Variants in ANGPT4 observed in about 807,000 individuals in gnomAD.
The protein encoded by ANGPT4 is angiopoietin 4.
In ANGPT4, 50 loss-of-function variants were observed where a neutral mutation model predicts 53.0. The observed-to-expected ratio is 0.94, with a 90% CI of 0.75 to 1.20. The LOEUF (loss-of-function observed/expected upper bound fraction) is 1.20, where lower values mean the gene tolerates loss of function less well. ANGPT4 is among the 50% of genes most tolerant of loss of function. The probability of loss-of-function intolerance (pLI) is 0.00; values close to 1 mark genes in which losing one functional copy is unlikely to be tolerated. For synonymous variants in ANGPT4, 251 were observed against 259.7 expected, an observed-to-expected ratio of 0.97 and a Z score of 0.32; for missense variants, 648 against 637.1, an observed-to-expected ratio of 1.02 and a Z score of -0.18.
At chr20:874,530 C>G in intron 7 of ANGPT4, 116 bp from the exon 8 acceptor site, 2 of 1,408,712 alleles carry the variant, frequency 1.4e-6, no homozygotes, top group Admixed American at 2.1e-5. Context: ...TCCAGGTGTT[C>G]TTGGAGGGAC....
chr20:872,435 T>A lies in ANGPT4; in HGVS notation c.*525A>T, dbSNP rs28516449. On this transcript the variant is annotated 3_prime_UTR_variant, in exon 9 of 9. Transcript: ENST00000381922. The stretch of plus-strand genomic sequence containing the variant: ...GTGGTGAAGTGTGAAGGGGAAATAA[T>A]GATTAACCCACCCACTAAGGGGTGG... 0.081 allele frequency: 12,495 copies of A among 153,722 alleles called. 707 individuals carry two copies. Among genetic ancestry groups the A allele is most frequent in the Admixed American group, 0.16 (2,533 of 15,588 alleles). The allele number at this position is 153,722 out of a possible 1,614,324, so 9.5% of individuals were successfully genotyped here.
intron 1 of ANGPT4, among the ~76,000 whole-genome samples, chr20:903,730 G>A (rs963973919): frequency 1.3e-5 from 2 of 152,210 alleles, no homozygotes; most frequent in Non-Finnish European, 2.9e-5. Flanking sequence ...CCTGTTCTAG[G>A]TCCTAGGCTG....
Position 890,252 on chromosome 20 carries a change from G to A in ANGPT4, c.426C>T (p.Thr142=). 6.2e-7 allele frequency: 1 copy of A among 1,614,000 alleles called. No individual in the cohort carries two copies. Among genetic ancestry groups the A allele is most frequent in the Non-Finnish European group, 8.5e-7 (1 of 1,179,982 alleles). Residue 142 remains threonine (T), a synonymous_variant, in exon 2 of 9, where the codon ACC becomes ACT. Coordinates refer to ENST00000381922, the MANE Select transcript of ANGPT4 (RefSeq NM_015985.4). The stretch of plus-strand genomic sequence containing the variant: ...CGGTCAGCTTGCGGATCTGGGCAGT[G>A]GTCTGGTTCAGGAGGCTGGTGCCCA... ...LELGTSLLNQ[T]TAQIRKLTDM... is the part of the protein sequence containing the mutation.
intron 1 of ANGPT4, among the ~76,000 whole-genome samples, chr20:912,667 C>T (rs186700781): frequency 6.6e-6 from 1 of 151,792 alleles, no homozygotes; most frequent in Admixed American, 6.6e-5. Context: ...AAGGGGAGTG[C>T]AGGGGAGGAG....
chr20:904,569 T>C (rs1982406654), intron 1 of ANGPT4, among the ~76,000 whole-genome samples: 2 of 152,264 alleles, frequency 1.3e-5, no homozygotes, highest in South Asian at 4.1e-4. Context: ...CAAGTCTATG[T>C]GGGGAATAAA....
chr20:899,170 C>T (rs1982176244), intron 1 of ANGPT4, among the ~76,000 whole-genome samples: 1 of 152,200 alleles, frequency 6.6e-6, no homozygotes, highest in South Asian at 2.1e-4. Context: ...GTTTCCCTTG[C>T]CTCCATAACT....
At chr20:885,707 A>C (rs12625348) in intron 3 of ANGPT4, among the ~76,000 whole-genome samples, 28,542 of 151,960 alleles carry the variant, frequency 0.19, 3,001 homozygotes, top group East Asian at 0.45. Flanking sequence ...CAACCAAAAA[A>C]GATATAGCCT....
Position 888,320 on chromosome 20 carries a change from GT to G in ANGPT4, c.584del (p.Asn195ThrfsTer30). ...CTGGTGCCAGGTGCCACACCCACCTGTTTTGGCCCTGAAGCTGCTGGAGCTT... is the reference window on the plus strand; with the variant it reads ...CTGGTGCCAGGTGCCACACCCACCTGTTTGGCCCTGAAGCTGCTGGAGCTT... ...RQKLQQLQGQ[N>X]SALEKRLQAL... is the part of the protein sequence containing the mutation. On this transcript the variant is annotated frameshift_variant, in exon 3 of 9. Coordinates refer to ENST00000381922, the MANE Select transcript of ANGPT4 (RefSeq NM_015985.4). LOFTEE classifies it high-confidence loss of function. 6.2e-7 allele frequency: 1 copy of G among 1,612,960 alleles called. No individual in the cohort carries two copies.
At chr20:901,678 C>G (rs1329424578) in intron 1 of ANGPT4, among the ~76,000 whole-genome samples, 1 of 152,140 alleles carries the variant, frequency 6.6e-6, no homozygotes, top group African/African-American at 2.4e-5. Flanking sequence ...TTTGGGAGGC[C>G]AAGGTGGGTG....
intron 8 of ANGPT4, among the ~76,000 whole-genome samples, chr20:873,787 T>C (rs1981046681): frequency 6.6e-6 from 1 of 152,170 alleles, no homozygotes; most frequent in African/African-American, 2.4e-5. Flanking sequence ...TTTCTCCATC[T>C]GTCCTCTGTG....
At chr20:874,511 G>C (rs1981084499) in intron 7 of ANGPT4, 97 bp from the exon 8 acceptor site, 11 of 1,523,392 alleles carry the variant, frequency 7.2e-6, no homozygotes, top group Non-Finnish European at 8.9e-6. Context: ...TCCCAGGCTG[G>C]GCTTCCCCTC....
In ANGPT4 at chr20:881,233, A is replaced by C. The variant is rs760785353; in HGVS notation, c.889T>G (p.Ser297Ala). The change falls in exon 5 of 9, where the codon TCT becomes GCT. Residue 297 changes from serine to alanine, a missense_variant. By Grantham distance (99) the Ser-to-Ala change is moderately conservative. Transcript: ENST00000381922. The part of the protein sequence containing the change: ...VFQDCAEIQR[S>A]GASASGVYTI... ...TAGACACCACTGGCACTGGCCCCAG[A>C]GCGCTGGATCTCTGCACAGTCCTGG... 6.2e-7 allele frequency: 1 copy of C among 1,613,720 alleles called. No homozygotes were observed. Among genetic ancestry groups the C allele is most frequent in the Non-Finnish European group, 8.5e-7 (1 of 1,179,814 alleles).
In ANGPT4 at chr20:884,958, C is replaced by T. The variant is rs545087973; in HGVS notation, c.835+120G>A. On this transcript the variant is annotated intron_variant, in intron 4 of 8. Transcript: ENST00000381922. The stretch of plus-strand genomic sequence containing the variant: ...TTGTTGTTTCTATTTCACAGATGGT[C>T]GGGGAGGGTGGGGCCCGCAATGGCT... The T allele has an allele frequency of 1.1e-4, 144 of 1,370,054 alleles. 2 individuals are homozygous for T. In the South Asian group the frequency reaches 1.6e-3, roughly 16 times the overall value. 84.9% of individuals were successfully genotyped at this position (1,370,054 alleles called of 1,614,324 possible).
At chr20:886,300 C>G (rs6118088) in intron 3 of ANGPT4, among the ~76,000 whole-genome samples, 1 of 152,064 alleles carries the variant, frequency 6.6e-6, no homozygotes, top group African/African-American at 2.4e-5. Flanking sequence ...ACCTCAATAT[C>G]CATTAACTGG....
chr20:875,761 G>A (rs891713306), intron 7 of ANGPT4, among the ~76,000 whole-genome samples: 1 of 152,148 alleles, frequency 6.6e-6, no homozygotes, highest in African/African-American at 2.4e-5. Context: ...AGAGAATGCG[G>A]GGTGTTTGTA....
chr20:909,427 G>A (rs73892539), intron 1 of ANGPT4, among the ~76,000 whole-genome samples: 2,557 of 152,268 alleles, frequency 0.017, 56 homozygotes, highest in African/African-American at 0.043. Flanking sequence ...AAAAACTGAA[G>A]CTCAGGTCTT....
intron 1 of ANGPT4, among the ~76,000 whole-genome samples, chr20:891,571 G>C (rs1028226489): frequency 1.3e-5 from 2 of 152,100 alleles, no homozygotes; most frequent in Admixed American, 1.3e-4. Flanking sequence ...CCCCACCCCT[G>C]TCCCTGGCTC....
chr20:893,367 T>G (rs896504274), intron 1 of ANGPT4, among the ~76,000 whole-genome samples: 5 of 152,244 alleles, frequency 3.3e-5, no homozygotes, highest in Admixed American at 1.3e-4. Context: ...CACTGGATAA[T>G]GCTATGCCTG....
At chr20:875,226 C>G (rs918728011) in intron 7 of ANGPT4, among the ~76,000 whole-genome samples, 6 of 152,250 alleles carry the variant, frequency 3.9e-5, no homozygotes, top group African/African-American at 1.4e-4. Context: ...CTAGTGTGGC[C>G]TGACTTGGGA....
Sources: allele counts gnomAD v4.1 joint callset (sites outside exome capture counted in the v4.1 genomes callset), GRCh38; gene constraint gnomAD v4.1.1; transcripts MANE v1.5; gene names NCBI Gene and HGNC (gene_info 2026-07-23, HGNC 2026-07-21).